The following CCDC40 variants were observed in gnomAD, a reference collection of about 807,000 sequenced individuals.
CCDC40 encodes coiled-coil domain 40 molecular ruler complex subunit.
Under a neutral mutation model 124.5 loss-of-function variants are expected in CCDC40, and 104 were observed. The ratio of observed to expected loss-of-function variants is 0.84; its 90% CI spans 0.71 to 0.98. The LOEUF (loss-of-function observed/expected upper bound fraction) is 0.98, where lower values mean the gene tolerates loss of function less well. CCDC40 is among the 50% of genes least tolerant of loss of function. The pLI is 0.00. For missense variants in CCDC40, 1,463 were observed against 1,503.9 expected, an observed-to-expected ratio of 0.97 and a Z score of 0.45; for synonymous variants, 580 against 602.9, an observed-to-expected ratio of 0.96 and a Z score of 0.56.
rs2037810486 is a variant in CCDC40, at chr17:80,058,538, T to C, written c.1204T>C (p.Phe402Leu). Residue 402 changes from phenylalanine (F) to leucine (L), a missense_variant, in exon 8 of 20, where the codon TTC becomes CTC. Physicochemically the swap from Phe to Leu is conservative, Grantham distance 22. Coordinates refer to ENST00000397545, the MANE Select transcript of CCDC40 (RefSeq NM_017950.4). This position sits in a 1 kb window ranked among gnomAD's most constrained non-coding sequence, Gnocchi z 4.2. ...TEMENLALHL[F>L]YMQNIDQDMR... ...GATGGAGAACTTGGCCCTGCATCTC[T>C]TCTACATGCAGAACATCGACCAGGA... 1 of 1,614,040 alleles carries C rather than the reference T, an allele frequency of 6.2e-7. No individual in the cohort carries two copies. The highest frequency in any genetic ancestry group is 8.5e-7 in the Non-Finnish European group (1 of 1,179,926).
intron 9 of CCDC40, among the ~76,000 whole-genome samples, chr17:80,061,507 A>G (rs2037895350): frequency 1.3e-5 from 2 of 152,266 alleles, no homozygotes; most frequent in African/African-American, 2.4e-5. Flanking sequence ...GCTGAAAGCC[A>G]AGGAGACTCG....
chr17:80,054,472 C>T (rs530898298), intron 7 of CCDC40, among the ~76,000 whole-genome samples: 6 of 152,210 alleles, frequency 3.9e-5, no homozygotes, highest in African/African-American at 1.2e-4. Context: ...CCGGAAACTC[C>T]CCACAGGCTG....
intron 7 of CCDC40, chr17:80,051,358 A>G (rs1046695642): frequency 5.4e-5 from 50 of 919,014 alleles, no homozygotes; most frequent in East Asian, 2.4e-4. Context: ...GGCTGGGCGC[A>G]GTGGCTCACG....
At chr17:80,044,702 CAAACA>C (rs2037370690) in intron 3 of CCDC40, among the ~76,000 whole-genome samples, 1 of 33,876 alleles carries the variant, frequency 3.0e-5, no homozygotes. Context: ...ACAAAACAAA[CAAACA>C]AAAAAAAAAA....
chr17:80,054,559 T>C (rs914599062), intron 7 of CCDC40, among the ~76,000 whole-genome samples: 1 of 152,136 alleles, frequency 6.6e-6, no homozygotes, highest in African/African-American at 2.4e-5. Flanking sequence ...CGGCCCCACA[T>C]GTGAGGAGTG....
At chr17:80,090,010 G>A in intron 17 of CCDC40, 126 bp downstream of exon 17, 2 of 1,535,840 alleles carry the variant, frequency 1.3e-6, no homozygotes, top group Non-Finnish European at 1.8e-6. Flanking sequence ...CACATTGGCT[G>A]GTGGCAATGG....
intron 10 of CCDC40, among the ~76,000 whole-genome samples, chr17:80,074,181 C>G (rs565924163): frequency 1.3e-5 from 2 of 152,136 alleles, no homozygotes; most frequent in Non-Finnish European, 2.9e-5. Context: ...AGCCTAATTG[C>G]GCGTCTGGAG....
chr17:80,085,083 C>G (rs533512492), intron 13 of CCDC40, 95 bp downstream of exon 13: 16 of 1,480,266 alleles, frequency 1.1e-5, no homozygotes, highest in Non-Finnish European at 1.5e-5. Context: ...ACATGAACTC[C>G]TGGAAGGCAC....
At chr17:80,063,061 G>A (rs551982330) in intron 9 of CCDC40, among the ~76,000 whole-genome samples, 1 of 152,240 alleles carries the variant, frequency 6.6e-6, no homozygotes, top group East Asian at 1.9e-4. Context: ...CAGGCGTGGT[G>A]GCGAGTGCCT....
chr17:80,053,305 A>G (rs1164854448), intron 7 of CCDC40, among the ~76,000 whole-genome samples: 1 of 152,176 alleles, frequency 6.6e-6, no homozygotes, highest in Non-Finnish European at 1.5e-5. Context: ...GAAAACCCAG[A>G]TGGCCTCTTG....
At chr17:80,059,301 TC>T (rs2037836097) in intron 9 of CCDC40, among the ~76,000 whole-genome samples, 1 of 152,112 alleles carries the variant, frequency 6.6e-6, no homozygotes. Context: ...AGGGACCTCT[TC>T]CGGGGAGGAC....
intron 10 of CCDC40, among the ~76,000 whole-genome samples, chr17:80,074,911 G>A (rs901548752): frequency 6.6e-6 from 1 of 152,000 alleles, no homozygotes; most frequent in African/African-American, 2.4e-5. Flanking sequence ...ATTCATGAGA[G>A]GAGGTCAAAA....
chr17:80,075,053 G>T (rs1213773407), intron 10 of CCDC40, among the ~76,000 whole-genome samples: 2 of 152,112 alleles, frequency 1.3e-5, no homozygotes, highest in East Asian at 3.9e-4. Context: ...CTTCTGAGTA[G>T]CTAGGATTAC....
At chr17:80,074,239 G>C (rs1367343778) in intron 10 of CCDC40, among the ~76,000 whole-genome samples, 1 of 152,164 alleles carries the variant, frequency 6.6e-6, no homozygotes, top group South Asian at 2.1e-4. Flanking sequence ...GGCCGGGCGC[G>C]GTGGCTCACG....
In CCDC40 at chr17:80,082,064, C is replaced by G; in HGVS notation, c.1989+6C>G. 6.2e-7 allele frequency: 1 copy of G among 1,612,362 alleles called. No individual in the cohort carries two copies. The highest frequency in any genetic ancestry group is 8.5e-7 in the Non-Finnish European group (1 of 1,179,412). ...AGAAGGAGAAGACCAACATGGTAGG[C>G]CCCTGCCCCAGGGAGGGGCTGTGCG... On this transcript the variant is annotated splice_donor_region_variant and intron_variant, in intron 12 of 19. Coordinates refer to ENST00000397545, the MANE Select transcript of CCDC40 (RefSeq NM_017950.4).
intron 1 of CCDC40, among the ~76,000 whole-genome samples, chr17:80,037,686 A>AT (rs1555889042): frequency 3.8e-5 from 1 of 26,304 alleles, no homozygotes; most frequent in African/African-American, 1.1e-4. Context: ...AATTTTTTAA[A>AT]AAAGATATAC....
chr17:80,096,577 C>A (rs1361186293), intron 18 of CCDC40, among the ~76,000 whole-genome samples: 1 of 152,022 alleles, frequency 6.6e-6, no homozygotes, highest in African/African-American at 2.4e-5. Flanking sequence ...CCATGCCCAC[C>A]CCTCACCTCC....
In CCDC40 at chr17:80,100,039, C is replaced by A; in HGVS notation, c.*264C>A. 1 of 515,848 alleles carries A rather than the reference C, an allele frequency of 1.9e-6. No individual in the cohort carries two copies. Among genetic ancestry groups the A allele is most frequent in the South Asian group, 2.1e-5 (1 of 48,650 alleles). 32.0% of individuals were successfully genotyped at this position (515,848 alleles called of 1,614,324 possible). ...ACTGCAGACCCACACACCCACACTC[C>A]CACACTGGGCTTACTCGTCCAGGTA... On this transcript the variant is annotated 3_prime_UTR_variant, in exon 20 of 20. Coordinates refer to ENST00000397545, the MANE Select transcript of CCDC40 (RefSeq NM_017950.4).
At chr17:80,070,623 G>A (rs2038164102) in intron 10 of CCDC40, among the ~76,000 whole-genome samples, 1 of 151,266 alleles carries the variant, frequency 6.6e-6, no homozygotes, top group African/African-American at 2.4e-5. Context: ...TAATTAGCGG[G>A]GCATGGTGGT....
Sources: gnomAD v4.1 joint callset for allele counts (sites outside exome capture counted in the v4.1 genomes callset) on GRCh38, gnomAD v4.1.1 for gene constraint, Gnocchi (gnomAD v3.1) non-coding constraint, MANE v1.5 for transcripts, NCBI Gene and HGNC (gene_info 2026-07-23, HGNC 2026-07-21) for gene names.